TNFRSF8: variants seen among roughly 807,000 people sequenced by gnomAD.
TNFRSF8 encodes tumor necrosis factor receptor superfamily member 8.
In TNFRSF8, 26 loss-of-function variants were observed where a neutral mutation model predicts 70.8. The ratio of observed to expected loss-of-function variants is 0.37; its 90% CI spans 0.27 to 0.51. The LOEUF is 0.51. TNFRSF8 is among the 20% of genes least tolerant of loss of function. The pLI is 0.94. For synonymous variants in TNFRSF8, 356 were observed against 339.2 expected (o/e 1.05, Z -0.54); for missense variants, 720 against 807.9 (o/e 0.89, Z 1.32).
intron 3 of TNFRSF8, among the ~76,000 whole-genome samples, chr1:12,102,278 T>A (rs1354935699): frequency 1.3e-5 from 2 of 152,208 alleles, no homozygotes; most frequent in Admixed American, 6.5e-5. Context: ...ACAGTCTCTT[T>A]GCGGGAAGAC....
rs558338710 is a variant in TNFRSF8, at chr1:12,116,330, G to A, written c.946+601G>A. 8.5e-5 allele frequency among the ~76,000 whole-genome samples: 13 copies of A among 152,330 alleles called. No individual in the cohort carries two copies. The East Asian group carries it at 1.5e-3, about 18-fold the overall frequency. ...TTTGCAAGGCTGTTTTATTGACTTA[G>A]AGAGATGAATATCAAGTTTCTGAAG... On this transcript the variant is annotated intron_variant, in intron 8 of 14. Transcript: ENST00000263932.
chr1:12,101,677 T>C (rs937420206), intron 3 of TNFRSF8, among the ~76,000 whole-genome samples: 8 of 139,894 alleles, frequency 5.7e-5, no homozygotes, highest in Non-Finnish European at 1.2e-4. Flanking sequence ...CATTATAATC[T>C]CTTTTATTGT....
chr1:12,123,791 GCT>G lies in TNFRSF8; in HGVS notation c.1123_1124del (p.Ser375LeufsTer127). 1 of 1,576,258 alleles carries G rather than the reference GCT, an allele frequency of 6.3e-7. No homozygotes were observed. Among genetic ancestry groups the G allele is most frequent in the Non-Finnish European group, 8.6e-7 (1 of 1,160,472 alleles). ...GCCCATCCCAACCAGCGCTCCCGTC[GCT>G]CTCTCCTCCACGGGGAAGCCCGTTC... ...TLPIPTSAPVALSSTGKPVLD... is the reference protein window; with the variant it reads ...TLPIPTSAPVXLSSTGKPVLD... On this transcript the variant is annotated frameshift_variant, in exon 10 of 15. Coordinates refer to ENST00000263932, the MANE Select transcript of TNFRSF8 (RefSeq NM_001243.5). LOFTEE classifies it high-confidence loss of function.
rs1641661441 is a variant in TNFRSF8 at position 12,113,139 on chromosome 1, T to A, written c.793+1125T>A. On this transcript the variant is annotated intron_variant, in intron 7 of 14. Transcript: ENST00000263932. The surrounding 1 kb of genome is among the most constrained non-coding windows in gnomAD (Gnocchi z 4.9). Reference sequence around the variant, plus strand: ...GACAGCTTGTCTCTGCTCCACAATGTCTGAGGTCTTAGCTGGAAAGCCCAA... The same window carrying A: ...GACAGCTTGTCTCTGCTCCACAATGACTGAGGTCTTAGCTGGAAAGCCCAA... Among the ~76,000 whole-genome samples the A allele has an allele frequency of 6.6e-6, 1 of 152,196 alleles. No individual in the cohort carries two copies. The highest frequency in any genetic ancestry group is 1.5e-5 in the Non-Finnish European group (1 of 68,036).
intron 1 of TNFRSF8, among the ~76,000 whole-genome samples, chr1:12,080,036 C>A (rs893937339): frequency 6.6e-6 from 1 of 151,578 alleles, no homozygotes; most frequent in Non-Finnish European, 1.5e-5. Flanking sequence ...GCAACCTCCG[C>A]CTCCTGGGTT....
At position 12,128,175 on chromosome 1, in the gene TNFRSF8, G is replaced by T. The variant is rs1422754731; in HGVS notation, c.1309+1939G>T. Among the ~76,000 whole-genome samples the T allele has an allele frequency of 2.0e-5, 3 of 152,234 alleles. No homozygotes were observed. The East Asian group carries it at 5.8e-4, about 29-fold the overall frequency. On this transcript the variant is annotated intron_variant, in intron 12 of 14. Transcript: ENST00000263932. Reference sequence around the variant, plus strand: ...ATTCATCTATTCACATGGTCTTCACGGAGCACTTCCTCCTTGCAGGCTCTG... The same window carrying T: ...ATTCATCTATTCACATGGTCTTCACTGAGCACTTCCTCCTTGCAGGCTCTG...
At chr1:12,131,385 G>A (rs1179189853) in intron 12 of TNFRSF8, among the ~76,000 whole-genome samples, 1 of 152,206 alleles carries the variant, frequency 6.6e-6, no homozygotes, top group Non-Finnish European at 1.5e-5. Flanking sequence ...GGGAGGTGGA[G>A]GTTGCAGTGA....
intron 10 of TNFRSF8, 56 bp downstream of exon 10, chr1:12,123,883 G>A (rs986995662): frequency 2.5e-5 from 37 of 1,453,164 alleles, no homozygotes; most frequent in Non-Finnish European, 3.0e-5. Flanking sequence ...TCCTGGGGAA[G>A]TGTGGATTGG....
Position 12,127,235 on chromosome 1 carries a change from G to A in TNFRSF8, c.1309+999G>A, listed in dbSNP as rs567110124. 5.9e-5 allele frequency among the ~76,000 whole-genome samples: 9 copies of A among 152,350 alleles called. No individual in the cohort carries two copies. The East Asian group carries it at 1.3e-3, about 23-fold the overall frequency. On this transcript the variant is annotated intron_variant, in intron 12 of 14. Transcript: ENST00000263932. ...GGGTGCCTGCTCTGTGCTGGGCTCT[G>A]ATGGGGGAATCGTCTGAGCCTTCGT...
Position 12,065,078 on chromosome 1 carries a change from C to CTTTTTT in TNFRSF8, c.63+1434_63+1439dup, listed in dbSNP as rs773549918. 1.0e-3 allele frequency among the ~76,000 whole-genome samples: 89 copies of CTTTTTT among 88,258 alleles called. 1 individual carries two copies. The highest frequency in any genetic ancestry group is 3.2e-3 in the East Asian group (9 of 2,842). The allele number at this position is 88,258 out of a possible 152,430, so 57.9% of individuals were successfully genotyped here. ...TACAGCCTGAACTCTCATACCAAAC[C>CTTTTTT]TTTTTTTTTTTTTTTTTTTTTTGAG... On this transcript the variant is annotated intron_variant, in intron 1 of 14. Coordinates refer to ENST00000263932, the MANE Select transcript of TNFRSF8 (RefSeq NM_001243.5).
At chr1:12,104,873 TG>T (rs1186040841) in intron 4 of TNFRSF8, among the ~76,000 whole-genome samples, 1 of 152,184 alleles carries the variant, frequency 6.6e-6, no homozygotes, top group Non-Finnish European at 1.5e-5. Context: ...CCTAGAAGAT[TG>T]GGGTTGGCTT....
At chr1:12,087,465 G>A (rs1202676013) in intron 2 of TNFRSF8, among the ~76,000 whole-genome samples, 4 of 152,168 alleles carry the variant, frequency 2.6e-5, no homozygotes, top group African/African-American at 9.7e-5. Context: ...ACTGTGCCAG[G>A]CCTAGTTTCT....
intron 3 of TNFRSF8, among the ~76,000 whole-genome samples, chr1:12,102,638 G>C (rs955345780): frequency 6.6e-5 from 10 of 152,146 alleles, no homozygotes; most frequent in African/African-American, 2.4e-4. Flanking sequence ...TGATTTTCCT[G>C]TCTCAGCCTC....
intron 10 of TNFRSF8, 23 bp downstream of exon 10, chr1:12,123,850 C>CAG: frequency 1.3e-6 from 2 of 1,540,074 alleles, no homozygotes; most frequent in South Asian, 2.4e-5. Context: ...GCCCACTCAC[C>CAG]CCTACTCCCA....
rs760518456 is a variant in TNFRSF8, at chr1:12,063,761, C to T, written c.63+100C>T. 3.5e-6 allele frequency: 4 copies of T among 1,135,836 alleles called. No homozygotes were observed. The highest frequency in any genetic ancestry group is 4.5e-6 in the Non-Finnish European group (4 of 893,056). The allele number at this position is 1,135,836 out of a possible 1,614,324, so 70.4% of individuals were successfully genotyped here. On this transcript the variant is annotated intron_variant, in intron 1 of 14. Coordinates refer to ENST00000263932, the MANE Select transcript of TNFRSF8 (RefSeq NM_001243.5). The surrounding 1 kb of genome is among the most constrained non-coding windows in gnomAD (Gnocchi z 7.2). ...GGGAGGACACTCCTCACCCCGTTCC[C>T]TGCCCAGCTGGAGTGAGGGGGCGCG...
intron 8 of TNFRSF8, among the ~76,000 whole-genome samples, chr1:12,115,965 G>A (rs1255663295): frequency 1.3e-5 from 2 of 152,158 alleles, no homozygotes; most frequent in African/African-American, 4.8e-5. Context: ...AATTCTTCCT[G>A]AAATTATTGG....
At chr1:12,115,338 C>A (rs1188984233) in intron 7 of TNFRSF8, among the ~76,000 whole-genome samples, 1 of 152,216 alleles carries the variant, frequency 6.6e-6, no homozygotes, top group Non-Finnish European at 1.5e-5. Flanking sequence ...GGTCACCATG[C>A]AATAGCTTGC....
At chr1:12,087,448 A>G (rs1324655506) in intron 2 of TNFRSF8, among the ~76,000 whole-genome samples, 1 of 152,142 alleles carries the variant, frequency 6.6e-6, no homozygotes, top group African/African-American at 2.4e-5. Context: ...GATTACAGGC[A>G]TGAGCCACTG....
intron 1 of TNFRSF8, among the ~76,000 whole-genome samples, chr1:12,074,202 C>T (rs1025365818): frequency 6.6e-6 from 1 of 152,090 alleles, no homozygotes; most frequent in South Asian, 2.1e-4. Flanking sequence ...TGTCCACCTC[C>T]CCACCACATT....
Sources: allele counts gnomAD v4.1 joint callset (sites outside exome capture counted in the v4.1 genomes callset), GRCh38; gene constraint gnomAD v4.1.1; non-coding constraint Gnocchi (gnomAD v3.1); transcripts MANE v1.5; gene names NCBI Gene and HGNC (gene_info 2026-07-23, HGNC 2026-07-21).